FHIT: variants seen among roughly 807,000 people sequenced by gnomAD.
FHIT encodes fragile histidine triad diadenosine triphosphatase.
A neutral mutation model predicts 17.9 loss-of-function variants in FHIT; 19 were observed. The ratio of observed to expected loss-of-function variants is 1.06; its 90% CI spans 0.74 to 1.56. The LOEUF is 1.56. FHIT is among the 40% of genes most tolerant of loss of function. FHIT has a pLI of 0.00. For missense variants in FHIT, 248 were observed against 189.2 expected, an observed-to-expected ratio of 1.31 and a Z score of -1.82; for synonymous variants, 81 against 69.7, an observed-to-expected ratio of 1.16 and a Z score of -0.81.
chr3:60,704,233 C>A (rs2041316560), intron 4 of FHIT, among the ~76,000 whole-genome samples: 1 of 152,120 alleles, frequency 6.6e-6, no homozygotes, highest in Admixed American at 6.5e-5. Flanking sequence ...CACAATGAAA[C>A]CTAGATGGTT....
intron 2 of FHIT, among the ~76,000 whole-genome samples, chr3:61,144,643 C>T (rs1031689191): frequency 1.3e-5 from 2 of 152,166 alleles, no homozygotes; most frequent in Non-Finnish European, 2.9e-5. Context: ...AGTGGTTGCA[C>T]CATCCTACAA....
intron 5 of FHIT, among the ~76,000 whole-genome samples, chr3:60,261,624 T>C (rs1706305482): frequency 6.6e-6 from 1 of 151,972 alleles, no homozygotes; most frequent in African/African-American, 2.4e-5. Context: ...GTAAATTAAA[T>C]TGAGGAAATA....
At chr3:60,000,885 A>G (rs909649848) in intron 7 of FHIT, among the ~76,000 whole-genome samples, 1 of 152,098 alleles carries the variant, frequency 6.6e-6, no homozygotes, top group Non-Finnish European at 1.5e-5. Flanking sequence ...CCTACACTAA[A>G]TTTCTGCCAC....
At chr3:59,813,719 T>C (rs1415935763) in intron 8 of FHIT, among the ~76,000 whole-genome samples, 5 of 152,116 alleles carry the variant, frequency 3.3e-5, no homozygotes. Flanking sequence ...AAGCTTGTCT[T>C]CCCCACCAAA....
intron 8 of FHIT, among the ~76,000 whole-genome samples, chr3:59,807,376 C>A (rs766830941): frequency 6.6e-6 from 1 of 152,124 alleles, no homozygotes; most frequent in Admixed American, 6.5e-5. Context: ...GGATGCCAAA[C>A]AGGAACACAC....
chr3:60,660,398 C>A (rs781871112), intron 4 of FHIT, among the ~76,000 whole-genome samples: 7 of 152,024 alleles, frequency 4.6e-5, no homozygotes, highest in Non-Finnish European at 8.8e-5. Context: ...AGGATGCCTG[C>A]GAGTGGGGTA....
At chr3:59,947,649 G>T (rs1706880864) in intron 7 of FHIT, among the ~76,000 whole-genome samples, 1 of 151,728 alleles carries the variant, frequency 6.6e-6, no homozygotes, top group Non-Finnish European at 1.5e-5. Context: ...TGCAACCCTG[G>T]GGGGGCTGGT....
At chr3:59,991,864 A>G (rs1438114420) in intron 7 of FHIT, among the ~76,000 whole-genome samples, 2 of 152,024 alleles carry the variant, frequency 1.3e-5, no homozygotes, top group Non-Finnish European at 2.9e-5. Context: ...GGAGAGAGAA[A>G]CACAGAGTCT....
intron 5 of FHIT, among the ~76,000 whole-genome samples, chr3:60,278,096 T>C (rs1001815903): frequency 9.9e-5 from 15 of 152,146 alleles, no homozygotes; most frequent in African/African-American, 1.4e-4. Context: ...AACACGTGTA[T>C]GATAATTTTG....
At chr3:60,125,181 G>A (rs1023339964) in intron 5 of FHIT, among the ~76,000 whole-genome samples, 1 of 152,212 alleles carries the variant, frequency 6.6e-6, no homozygotes, top group Non-Finnish European at 1.5e-5. Flanking sequence ...AGATGGAGAT[G>A]AAGAGCCAGC....
chr3:60,510,589 A>G (rs1453284411), intron 5 of FHIT, among the ~76,000 whole-genome samples: 1 of 151,006 alleles, frequency 6.6e-6, no homozygotes, highest in Admixed American at 6.7e-5. Flanking sequence ...TCATTAGAAA[A>G]TGAGATCTCA....
At chr3:61,210,880 C>T (rs2039443775) in intron 1 of FHIT, among the ~76,000 whole-genome samples, 2 of 151,904 alleles carry the variant, frequency 1.3e-5, no homozygotes, top group African/African-American at 4.8e-5. Flanking sequence ...GCAGAAATCA[C>T]CCATCTTCTG....
chr3:59,905,162 A>G (rs1704527886), intron 8 of FHIT, among the ~76,000 whole-genome samples: 1 of 152,332 alleles, frequency 6.6e-6, no homozygotes, highest in Middle Eastern at 3.4e-3. Context: ...CAATTTGGAA[A>G]CCTTGGTGAA....
intron 1 of FHIT, among the ~76,000 whole-genome samples, chr3:61,236,927 C>T (rs1017676158): frequency 2.6e-5 from 4 of 152,158 alleles, no homozygotes; most frequent in Admixed American, 2.0e-4. Context: ...CACCCATGCC[C>T]TTACATGATC....
chr3:60,609,176 C>A (rs1309480328), intron 4 of FHIT, among the ~76,000 whole-genome samples: 1 of 152,096 alleles, frequency 6.6e-6, no homozygotes, highest in African/African-American at 2.4e-5. Flanking sequence ...AAATAGCATT[C>A]CACCTGACAG....
chr3:60,460,878 C>A (rs2032418257), intron 5 of FHIT, among the ~76,000 whole-genome samples: 1 of 152,142 alleles, frequency 6.6e-6, no homozygotes, highest in South Asian at 2.1e-4. Context: ...GAATATAATT[C>A]ATGTTGGAAG....
chr3:60,571,335 C>CAATAAAAAAA lies in FHIT; in HGVS notation c.-17-34357_-17-34356insTTTTTTTATT, dbSNP rs750168873. On this transcript the variant is annotated intron_variant, in intron 4 of 9. Transcript: ENST00000492590. ...TGGGCAACAGGGCAAGACTCCATCG[C>CAATAAAAAAA]AAAAAAAAAAAAAAAAAAAAAAAAA... is the stretch of plus-strand genomic sequence containing the variant. Among the ~76,000 whole-genome samples, 54 of 54,668 alleles carry CAATAAAAAAA rather than the reference C, an allele frequency of 9.9e-4. 11 individuals carry two copies. The highest frequency in any genetic ancestry group is 1.4e-3 in the Admixed American group (5 of 3,466). 35.9% of individuals were successfully genotyped at this position (54,668 alleles called of 152,430 possible). A position where few individuals can be genotyped will look rare whatever the true frequency, so the allele number is the denominator to read the frequency against.
At chr3:60,746,345 G>A (rs1300072322) in intron 4 of FHIT, among the ~76,000 whole-genome samples, 2 of 152,184 alleles carry the variant, frequency 1.3e-5, no homozygotes, top group Non-Finnish European at 1.5e-5. Context: ...GAAGGAGGTG[G>A]GGTGGGAAAC....
intron 3 of FHIT, among the ~76,000 whole-genome samples, chr3:60,840,523 T>C (rs1702688277): frequency 6.6e-6 from 1 of 152,200 alleles, no homozygotes; most frequent in South Asian, 2.1e-4. Flanking sequence ...TGTAAACTTG[T>C]TAATTAAATG....
Sources: allele counts gnomAD v4.1 joint callset (sites outside exome capture counted in the v4.1 genomes callset), GRCh38; gene constraint gnomAD v4.1.1; transcripts MANE v1.5; gene names NCBI Gene and HGNC (gene_info 2026-07-23, HGNC 2026-07-21).